Variants in SLC25A24 observed in about 807,000 individuals in gnomAD.
The protein encoded by SLC25A24 is mitochondrial adenyl nucleotide antiporter SLC25A24.
SLC25A24 carries 49 observed loss-of-function variants against 60.7 expected under a neutral mutation model. The observed-to-expected ratio is 0.81, with a 90% CI of 0.64 to 1.02. SLC25A24 has a LOEUF of 1.02. Among genes scored for constraint, SLC25A24 ranks in the 50% least tolerant of loss-of-function variants. The pLI is 0.00. For synonymous variants in SLC25A24, 202 were observed against 200.6 expected (o/e 1.01, Z -0.06); for missense variants, 564 against 586.3 (o/e 0.96, Z 0.39).
intron 2 of SLC25A24, among the ~76,000 whole-genome samples, chr1:108,184,746 G>A (rs1297581054): frequency 6.6e-6 from 1 of 152,130 alleles, no homozygotes; most frequent in Non-Finnish European, 1.5e-5. Flanking sequence ...AGCTACAACT[G>A]AGACCACATG....
At chr1:108,151,124 C>T (rs558508370) in intron 6 of SLC25A24, among the ~76,000 whole-genome samples, 2 of 152,140 alleles carry the variant, frequency 1.3e-5, no homozygotes, top group South Asian at 4.1e-4. Flanking sequence ...TCACTTGAAC[C>T]TAGGAGGCAG....
chr1:108,190,241 G>T (rs920111564), intron 1 of SLC25A24, among the ~76,000 whole-genome samples: 11 of 152,288 alleles, frequency 7.2e-5, no homozygotes, highest in South Asian at 6.2e-4. Flanking sequence ...GAAGCTGTAG[G>T]AGGGTTCATT....
intron 4 of SLC25A24, among the ~76,000 whole-genome samples, chr1:108,160,724 G>T (rs1680047114): frequency 6.6e-6 from 1 of 152,242 alleles, no homozygotes; most frequent in African/African-American, 2.4e-5. Context: ...GAGGCTGGTG[G>T]ATCACTCGCG....
chr1:108,180,806 G>A (rs1310854870), intron 3 of SLC25A24, among the ~76,000 whole-genome samples: 1 of 152,136 alleles, frequency 6.6e-6, no homozygotes, highest in Non-Finnish European at 1.5e-5. Flanking sequence ...ATTGTTTAAT[G>A]CATCCAGCCT....
rs1013879747 is a variant in SLC25A24, at chr1:108,136,512, A to C, written c.*141T>G. ...ACATATAATTTAGCCCAAAAGTTTG[A>C]AGTGACCATTGTTACCATCTTCCCT... On this transcript the variant is annotated 3_prime_UTR_variant, in exon 10 of 10. Transcript: ENST00000565488. 2 of 653,816 alleles carry C rather than the reference A, an allele frequency of 3.1e-6. No homozygotes were observed. Among genetic ancestry groups the C allele is most frequent in the Non-Finnish European group, 5.2e-6 (2 of 381,490 alleles). 40.5% of individuals were successfully genotyped at this position (653,816 alleles called of 1,614,324 possible).
chr1:108,136,650 A>T lies in SLC25A24; in HGVS notation c.*3T>A. ...TTATCAGGCTAAAGCAAAAAATGCA[A>T]CATCATTTCTGGGTTACTCCTAAAG... On this transcript the variant is annotated 3_prime_UTR_variant, in exon 10 of 10. Coordinates refer to ENST00000565488, the MANE Select transcript of SLC25A24 (RefSeq NM_013386.5). 1.2e-6 allele frequency: 2 copies of T among 1,608,914 alleles called. No homozygotes were observed. The highest frequency in any genetic ancestry group is 1.7e-6 in the Non-Finnish European group (2 of 1,176,576).
chr1:108,149,262 C>A (rs557772360), intron 6 of SLC25A24, among the ~76,000 whole-genome samples: 3 of 152,146 alleles, frequency 2.0e-5, no homozygotes, highest in Non-Finnish European at 2.9e-5. Context: ...TAAAGTGACC[C>A]AACATAGCTA....
chr1:108,136,300 G>T lies in SLC25A24; in HGVS notation c.*353C>A. The T allele has an allele frequency of 6.2e-6, 1 of 160,718 alleles. No individual in the cohort carries two copies. Among genetic ancestry groups the T allele is most frequent in the East Asian group, 1.8e-4 (1 of 5,560 alleles). 10.0% of individuals were successfully genotyped at this position (160,718 alleles called of 1,614,324 possible). The stretch of plus-strand genomic sequence containing the variant: ...TAAATATAAAGGAACTGGCATAAAC[G>T]TAAACCACCCGAAATAAAGATTAAT... On this transcript the variant is annotated 3_prime_UTR_variant, in exon 10 of 10. Coordinates refer to ENST00000565488, the MANE Select transcript of SLC25A24 (RefSeq NM_013386.5).
chr1:108,199,555 G>T (rs1174585324), intron 1 of SLC25A24: 3 of 313,410 alleles, frequency 9.6e-6, no homozygotes, highest in African/African-American at 2.1e-5. Context: ...GAAAGAGATC[G>T]AATGTGTGCG....
In SLC25A24 at chr1:108,143,581, T is replaced by C. The variant is rs770811231; in HGVS notation, c.1060A>G (p.Ile354Val). 3 of 1,613,700 alleles carry C rather than the reference T, an allele frequency of 1.9e-6. No individual in the cohort carries two copies. The African/African-American group carries it at 4.0e-5, about 22-fold the overall frequency. Residue 354 changes from isoleucine (I) to valine (V), a missense_variant, in exon 8 of 10, where the codon ATC becomes GTC. By Grantham distance (29) the Ile-to-Val change is conservative. Coordinates refer to ENST00000565488, the MANE Select transcript of SLC25A24 (RefSeq NM_013386.5). ...YKGYVPNLLG[I>V]IPYAGIDLAV... ...AGATCTATGCCTGCATAAGGTATGA[T>C]ACCTAATAAATTGGGAACATAGCCT...
chr1:108,141,291 CACTT>C (rs1413289130), intron 8 of SLC25A24, among the ~76,000 whole-genome samples: 2 of 152,066 alleles, frequency 1.3e-5, no homozygotes, highest in Non-Finnish European at 2.9e-5. Context: ...ATGAAGCAAA[CACTT>C]ACAGAACTGA....
intron 5 of SLC25A24, among the ~76,000 whole-genome samples, chr1:108,155,833 G>A (rs1436683206): frequency 2.0e-5 from 3 of 152,000 alleles, no homozygotes; most frequent in African/African-American, 4.8e-5. Flanking sequence ...TAAAAATACT[G>A]TACCTTATGA....
chr1:108,159,173 T>C (rs947005799), intron 4 of SLC25A24, among the ~76,000 whole-genome samples: 2 of 152,224 alleles, frequency 1.3e-5, no homozygotes, highest in Non-Finnish European at 2.9e-5. Context: ...AACAAACTGG[T>C]ATGAAATGCT....
chr1:108,159,815 A>G (rs1247164251), intron 4 of SLC25A24, among the ~76,000 whole-genome samples: 1 of 151,562 alleles, frequency 6.6e-6, no homozygotes, highest in Admixed American at 6.6e-5. Flanking sequence ...CCCAAGGCAG[A>G]AGAATTTTTC....
At chr1:108,157,863 A>G (rs1679946538) in intron 4 of SLC25A24, among the ~76,000 whole-genome samples, 1 of 152,118 alleles carries the variant, frequency 6.6e-6, no homozygotes, top group African/African-American at 2.4e-5. Context: ...AACAGTTACA[A>G]CTTTCTTTCA....
intron 6 of SLC25A24, among the ~76,000 whole-genome samples, chr1:108,152,079 T>C (rs1489342102): frequency 6.6e-6 from 1 of 152,188 alleles, no homozygotes; most frequent in African/African-American, 2.4e-5. Flanking sequence ...TCTCCACTCT[T>C]TTTTCAGGTT....
chr1:108,186,465 G>A (rs546955082), intron 1 of SLC25A24, among the ~76,000 whole-genome samples: 2 of 152,186 alleles, frequency 1.3e-5, no homozygotes, highest in Admixed American at 6.5e-5. Flanking sequence ...GCTGAGGTAG[G>A]AGGATCACTT....
At chr1:108,180,193 G>A (rs569227737) in intron 3 of SLC25A24, among the ~76,000 whole-genome samples, 1 of 149,162 alleles carries the variant, frequency 6.7e-6, no homozygotes, top group South Asian at 2.1e-4. Context: ...GTGCAAACCC[G>A]TCTCTAGTAA....
chr1:108,178,402 C>T (rs190066126), intron 3 of SLC25A24, among the ~76,000 whole-genome samples: 261 of 152,304 alleles, frequency 1.7e-3, no homozygotes, highest in Non-Finnish European at 2.9e-3. Context: ...ACACATTCTT[C>T]TCAACTGCAC....
Sources: gnomAD v4.1 joint callset for allele counts (sites outside exome capture counted in the v4.1 genomes callset) on GRCh38, gnomAD v4.1.1 for gene constraint, MANE v1.5 for transcripts, NCBI Gene and HGNC (gene_info 2026-07-23, HGNC 2026-07-21) for gene names.